SBF2: variants seen among roughly 807,000 people sequenced by gnomAD.
SBF2 encodes the protein SET binding factor 2.
Under a neutral mutation model 225.2 loss-of-function variants are expected in SBF2, and 112 were observed. The observed-to-expected ratio is 0.50, with a 90% CI of 0.43 to 0.58. The LOEUF is 0.58. Ranked by LOEUF, SBF2 falls within the 20% of genes least tolerant of loss-of-function variation. SBF2 has a pLI of 0.00. For synonymous variants in SBF2, 763 were observed against 773.3 expected (o/e 0.99, Z 0.22); for missense variants, 1,996 against 2,206.2 (o/e 0.90, Z 1.91).
intron 2 of SBF2, among the ~76,000 whole-genome samples, chr11:10,192,216 G>C (rs781694816): frequency 2.6e-4 from 39 of 151,914 alleles, no homozygotes; most frequent in Non-Finnish European, 5.2e-4. Context: ...GAATGCAAAG[G>C]GCTTTCCAAA....
At chr11:9,983,062 G>C (rs1366470870) in intron 13 of SBF2, among the ~76,000 whole-genome samples, 1 of 152,122 alleles carries the variant, frequency 6.6e-6, no homozygotes, top group Non-Finnish European at 1.5e-5. Context: ...TTTGAATGGG[G>C]TGAGAAGCCC....
chr11:9,910,175 T>C (rs191876182), intron 16 of SBF2, among the ~76,000 whole-genome samples: 3 of 152,228 alleles, frequency 2.0e-5, no homozygotes, highest in East Asian at 1.9e-4. Flanking sequence ...TGGTCAATGA[T>C]GGACTGCATA....
chr11:10,060,638 T>C (rs1274095202), intron 2 of SBF2, among the ~76,000 whole-genome samples: 1 of 152,052 alleles, frequency 6.6e-6, no homozygotes, highest in Non-Finnish European at 1.5e-5. Context: ...CTCAACAAAA[T>C]ACTTGCAAAC....
chr11:10,281,457 T>G (rs1252898323), intron 1 of SBF2, among the ~76,000 whole-genome samples: 1 of 152,210 alleles, frequency 6.6e-6, no homozygotes, highest in East Asian at 1.9e-4. Context: ...TTCACATGTT[T>G]ATAGCTGTCA....
At chr11:10,084,349 C>T (rs1432813467) in intron 2 of SBF2, among the ~76,000 whole-genome samples, 1 of 151,984 alleles carries the variant, frequency 6.6e-6, no homozygotes, top group Non-Finnish European at 1.5e-5. Flanking sequence ...CAGTAATAAT[C>T]AGAGAAATAC....
At chr11:10,267,436 A>G (rs992870295) in intron 1 of SBF2, among the ~76,000 whole-genome samples, 4 of 152,034 alleles carry the variant, frequency 2.6e-5, no homozygotes, top group Non-Finnish European at 4.4e-5. Flanking sequence ...AAAACAGAGG[A>G]AAAAAAAGAT....
intron 16 of SBF2, chr11:9,957,466 A>AC (rs35480657): frequency 0.51 from 76,476 of 149,990 alleles, 19,766 homozygotes; most frequent in Admixed American, 0.61. Flanking sequence ...TCTTGTTTTT[A>AC]TTTTTTTTTT....
intron 1 of SBF2, among the ~76,000 whole-genome samples, chr11:10,252,606 C>G (rs555840166): frequency 6.6e-6 from 1 of 152,138 alleles, no homozygotes; most frequent in Non-Finnish European, 1.5e-5. Context: ...GTCAAGAGAT[C>G]GAGACCATCC....
At chr11:9,818,727 G>A (rs1456093345) in intron 28 of SBF2, among the ~76,000 whole-genome samples, 5 of 152,064 alleles carry the variant, frequency 3.3e-5, no homozygotes, top group Non-Finnish European at 7.4e-5. Flanking sequence ...TCACATGCAC[G>A]AATCTTTCTT....
chr11:10,142,685 T>C (rs1403611176), intron 2 of SBF2, among the ~76,000 whole-genome samples: 2 of 152,326 alleles, frequency 1.3e-5, no homozygotes, highest in Non-Finnish European at 2.9e-5. Context: ...GAAGTCACCA[T>C]TCTCTACAGA....
intron 1 of SBF2, among the ~76,000 whole-genome samples, chr11:10,196,996 ATAC>A (rs1305842660): frequency 6.6e-6 from 1 of 151,710 alleles, no homozygotes; most frequent in African/African-American, 2.4e-5. Flanking sequence ...ATTATAAATA[ATAC>A]TACAATAAAC....
chr11:10,243,234 C>A (rs1007636879), intron 1 of SBF2, among the ~76,000 whole-genome samples: 8 of 151,184 alleles, frequency 5.3e-5, no homozygotes, highest in Non-Finnish European at 2.9e-5. Flanking sequence ...ACTAATGGGT[C>A]AAAGAAGAAA....
In SBF2 at chr11:9,779,603, G is replaced by A. The variant is rs1851894252; in HGVS notation, c.*815C>T. On this transcript the variant is annotated 3_prime_UTR_variant, in exon 40 of 40. Coordinates refer to ENST00000256190, the MANE Select transcript of SBF2 (RefSeq NM_030962.4). ...ACATCTTCACTTCATTGGGAATTCA[G>A]TGCAAGTGTTTGTTTTGTGAGTTAG... 1.3e-5 allele frequency: 2 copies of A among 152,870 alleles called. No homozygotes were observed. Among genetic ancestry groups the A allele is most frequent in the African/African-American group, 4.8e-5 (2 of 41,436 alleles). The allele number at this position is 152,870 out of a possible 1,614,324, so 9.5% of individuals were successfully genotyped here. A position where few individuals can be genotyped will look rare whatever the true frequency, so the allele number is the denominator to read the frequency against.
rs111923654 is a variant in SBF2, at chr11:9,790,386, C to T, written c.4698+170G>A. ...TGGCAAGAATTTAGGGAACAGTCTC[C>T]ATTTGTGTCACAACCCAAACCTATA... On this transcript the variant is annotated intron_variant, in intron 34 of 39. Coordinates refer to ENST00000256190, the MANE Select transcript of SBF2 (RefSeq NM_030962.4). 9.8e-4 allele frequency among the ~76,000 whole-genome samples: 149 copies of T among 152,250 alleles called. 1 individual carries two copies. Among genetic ancestry groups the T allele is most frequent in the African/African-American group, 3.1e-3 (129 of 41,542 alleles).
At chr11:9,846,758 G>A (rs1250430998) in intron 23 of SBF2, among the ~76,000 whole-genome samples, 198 bp downstream of exon 23, 2 of 152,160 alleles carry the variant, frequency 1.3e-5, no homozygotes, top group Non-Finnish European at 2.9e-5. Context: ...GGTACTCTGA[G>A]TTGGCTAAGG....
chr11:10,066,564 T>C (rs1235945319), intron 2 of SBF2, among the ~76,000 whole-genome samples: 1 of 152,132 alleles, frequency 6.6e-6, no homozygotes, highest in African/African-American at 2.4e-5. Context: ...TTGACAAAAG[T>C]GAGCAAACAC....
At chr11:10,075,183 G>A (rs1195179879) in intron 2 of SBF2, among the ~76,000 whole-genome samples, 1 of 152,126 alleles carries the variant, frequency 6.6e-6, no homozygotes, top group Non-Finnish European at 1.5e-5. Flanking sequence ...TCTTAACTTA[G>A]GTTATAATTT....
chr11:10,000,939 A>G lies in SBF2; in HGVS notation c.836T>C (p.Val279Ala), dbSNP rs1947927912. Residue 279 changes from valine (V) to alanine (A), a missense_variant, in exon 8 of 40, where the codon GTC becomes GCC. By Grantham distance (64) the Val-to-Ala change is moderately conservative. Coordinates refer to ENST00000256190, the MANE Select transcript of SBF2 (RefSeq NM_030962.4). The part of the protein sequence containing the change: ...PTPFIIGVHS[V>A]FKTDVHELLD... Reference sequence around the variant, plus strand: ...AAGTTCATGGACATCAGTTTTAAAGACAGAATGTACTCCAATAATGAAAGG... The same window carrying G: ...AAGTTCATGGACATCAGTTTTAAAGGCAGAATGTACTCCAATAATGAAAGG... 1.9e-6 allele frequency: 3 copies of G among 1,597,854 alleles called. No homozygotes were observed. Among genetic ancestry groups the G allele is most frequent in the Non-Finnish European group, 2.6e-6 (3 of 1,165,310 alleles).
chr11:9,875,037 G>A (rs1413668359), intron 17 of SBF2, among the ~76,000 whole-genome samples: 1 of 152,180 alleles, frequency 6.6e-6, no homozygotes, highest in African/African-American at 2.4e-5. Flanking sequence ...CTTATAGACT[G>A]TATTTATTTT....
Sources: allele counts gnomAD v4.1 joint callset (sites outside exome capture counted in the v4.1 genomes callset), GRCh38; gene constraint gnomAD v4.1.1; transcripts MANE v1.5; gene names NCBI Gene and HGNC (gene_info 2026-07-23, HGNC 2026-07-21).